Variants in TMCC1 observed in about 807,000 individuals in gnomAD.
TMCC1 encodes transmembrane and coiled-coil domain family 1.
In TMCC1, 15 loss-of-function variants were observed where a neutral mutation model predicts 52.4. The observed-to-expected ratio is 0.29, with a 90% CI of 0.19 to 0.44. TMCC1 has a LOEUF of 0.44. TMCC1 is among the 20% of genes least tolerant of loss of function. The probability of loss-of-function intolerance (pLI) is 1.00; values close to 1 mark genes in which losing one functional copy is unlikely to be tolerated. For synonymous variants in TMCC1, 279 were observed against 301.9 expected, an observed-to-expected ratio of 0.92 and a Z score of 0.79; for missense variants, 503 against 806.0, an observed-to-expected ratio of 0.62 and a Z score of 4.55.
At chr3:129,873,220 A>T (rs532363513) in intron 2 of TMCC1, among the ~76,000 whole-genome samples, 149 of 152,158 alleles carry the variant, frequency 9.8e-4, no homozygotes, top group African/African-American at 3.3e-3. Flanking sequence ...AAATTAATGG[A>T]GCTTTAATTC....
intron 4 of TMCC1, among the ~76,000 whole-genome samples, chr3:129,695,112 A>AAAAG (rs1255007232): frequency 2.2e-4 from 23 of 103,108 alleles, no homozygotes; most frequent in Admixed American, 1.2e-3. Context: ...AAAAAAAAAA[A>AAAAG]AAAAAAAAAA....
At chr3:129,765,260 C>T (rs1370016200) in intron 4 of TMCC1, among the ~76,000 whole-genome samples, 1 of 151,808 alleles carries the variant, frequency 6.6e-6, no homozygotes, top group Non-Finnish European at 1.5e-5. Context: ...CTTAAGAAAA[C>T]AGGCACAAAT....
intron 1 of TMCC1, among the ~76,000 whole-genome samples, chr3:129,888,569 C>T (rs2061826567): frequency 2.0e-5 from 3 of 152,160 alleles, no homozygotes; most frequent in African/African-American, 7.2e-5. Flanking sequence ...AGAAAGTACA[C>T]ACACAATGAT....
At chr3:129,681,043 AC>A (rs1405019568) in intron 4 of TMCC1, among the ~76,000 whole-genome samples, 8 of 152,188 alleles carry the variant, frequency 5.3e-5, no homozygotes, top group Non-Finnish European at 1.2e-4. Flanking sequence ...TGGTAGTGAT[AC>A]GGCACTGTTC....
intron 4 of TMCC1, among the ~76,000 whole-genome samples, chr3:129,818,720 C>A (rs1316870518): frequency 6.6e-6 from 1 of 151,922 alleles, no homozygotes; most frequent in Non-Finnish European, 1.5e-5. Context: ...ATTTAAAAAA[C>A]AAAGATATCT....
chr3:129,752,491 TCAA>T (rs1227769968), intron 4 of TMCC1, among the ~76,000 whole-genome samples: 1 of 152,066 alleles, frequency 6.6e-6, no homozygotes, highest in African/African-American at 2.4e-5. Context: ...TAATGAATGA[TCAA>T]AAGGTATATT....
chr3:129,754,116 G>A (rs1031531263), intron 4 of TMCC1, among the ~76,000 whole-genome samples: 4 of 152,116 alleles, frequency 2.6e-5, no homozygotes, highest in South Asian at 4.1e-4. Context: ...AAATTAAAAA[G>A]CAATACCATT....
chr3:129,688,184 C>G (rs2089544424), intron 4 of TMCC1: 1 of 985,364 alleles, frequency 1.0e-6, no homozygotes, highest in African/African-American at 1.7e-5. Flanking sequence ...TACCAAAACC[C>G]CCTGTCAGGC....
Position 129,880,294 on chromosome 3 carries a change from G to GA in TMCC1, c.-184+14dup, listed in dbSNP as rs1405452347. 1.3e-5 allele frequency: 2 copies of GA among 152,024 alleles called. No homozygotes were observed. Among genetic ancestry groups the GA allele is most frequent in the Non-Finnish European group, 2.9e-5 (2 of 68,004 alleles). The allele number at this position is 152,024 out of a possible 1,614,324, so 9.4% of individuals were successfully genotyped here. On this transcript the variant is annotated intron_variant, in intron 2 of 6. Transcript: ENST00000393238. ...TGGGTGATGTGATTTTGCAGTAGAAGAAAAAACGACATACCTCCTCAAAAT... is the reference window on the plus strand; with the variant it reads ...TGGGTGATGTGATTTTGCAGTAGAAGAAAAAAACGACATACCTCCTCAAAAT...
intron 2 of TMCC1, among the ~76,000 whole-genome samples, chr3:129,871,419 C>T (rs2060925269): frequency 6.6e-6 from 1 of 151,468 alleles, no homozygotes; most frequent in South Asian, 2.1e-4. Flanking sequence ...TTACACCCAC[C>T]TTGACACTTT....
chr3:129,668,675 G>A (rs2087666454), intron 5 of TMCC1, among the ~76,000 whole-genome samples: 2 of 152,202 alleles, frequency 1.3e-5, no homozygotes, highest in Admixed American at 6.5e-5. Context: ...GCCCAGGCTG[G>A]AGTGTGATGG....
intron 2 of TMCC1, among the ~76,000 whole-genome samples, chr3:129,858,593 AGCTC>A (rs1219383705): frequency 9.9e-5 from 15 of 152,206 alleles, no homozygotes; most frequent in Admixed American, 2.0e-4. Flanking sequence ...GCTGGTCTCA[AGCTC>A]GTGAGCTCAA....
Position 129,670,441 on chromosome 3 carries a change from T to C in TMCC1, c.1400A>G (p.Gln467Arg). ...SGFDALLHEI[Q>R]EIRETQARLE... ...TCTGGCCTGGGTTTCCCGGATCTCC[T>C]GGATCTCATGTAGTAGTGCATCAAA... The change falls in exon 5 of 7, where the codon CAG becomes CGG. Residue 467 changes from glutamine (Q) to arginine (R), a missense_variant. Transcript: ENST00000393238. 1 of 1,614,198 alleles carries C rather than the reference T, an allele frequency of 6.2e-7. No individual in the cohort carries two copies. Among genetic ancestry groups the C allele is most frequent in the Non-Finnish European group, 8.5e-7 (1 of 1,180,024 alleles).
At chr3:129,774,789 G>A (rs532065184) in intron 4 of TMCC1, among the ~76,000 whole-genome samples, 109 of 152,196 alleles carry the variant, frequency 7.2e-4, no homozygotes, top group Non-Finnish European at 1.3e-3. Context: ...GAAATAAATA[G>A]TAGTTTTGTG....
At chr3:129,692,987 T>C (rs1042889327) in intron 4 of TMCC1, among the ~76,000 whole-genome samples, 1 of 151,862 alleles carries the variant, frequency 6.6e-6, no homozygotes, top group Non-Finnish European at 1.5e-5. Context: ...GGACTGCAGG[T>C]GCACACCACC....
At chr3:129,681,595 A>C (rs1280676868) in intron 4 of TMCC1, among the ~76,000 whole-genome samples, 1 of 152,024 alleles carries the variant, frequency 6.6e-6, no homozygotes, top group African/African-American at 2.4e-5. Flanking sequence ...AAGCCACTAG[A>C]ACACAGTGCC....
chr3:129,716,501 ATTTTTT>A (rs563370963), intron 4 of TMCC1, among the ~76,000 whole-genome samples: 4 of 124,862 alleles, frequency 3.2e-5, no homozygotes, highest in African/African-American at 1.2e-4. Context: ...CACCCAGCTA[ATTTTTT>A]TTTTTTTTTT....
At chr3:129,693,137 T>G (rs1309471583) in intron 4 of TMCC1, among the ~76,000 whole-genome samples, 1 of 152,220 alleles carries the variant, frequency 6.6e-6, no homozygotes, top group African/African-American at 2.4e-5. Context: ...CCATGAAACA[T>G]GTTAAAATTT....
At chr3:129,659,283 CAG>C (rs1288037215) in intron 5 of TMCC1, among the ~76,000 whole-genome samples, 1 of 150,878 alleles carries the variant, frequency 6.6e-6, no homozygotes, top group Non-Finnish European at 1.5e-5. Flanking sequence ...TTTTCAGAGA[CAG>C]GGTCTCACTA....
Sources: allele counts gnomAD v4.1 joint callset (sites outside exome capture counted in the v4.1 genomes callset), GRCh38; gene constraint gnomAD v4.1.1; transcripts MANE v1.5; gene names NCBI Gene and HGNC (gene_info 2026-07-23, HGNC 2026-07-21).